The following KCNC2 variants were observed in gnomAD, a reference collection of about 807,000 sequenced individuals.
KCNC2 encodes the protein voltage-gated potassium channel KCNC2.
KCNC2 carries 21 observed loss-of-function variants against 44.5 expected under a neutral mutation model. The ratio of observed to expected loss-of-function variants is 0.47; its 90% CI spans 0.33 to 0.68. The LOEUF is 0.68. Ranked by LOEUF, KCNC2 falls within the 30% of genes least tolerant of loss-of-function variation. The pLI, the probability that KCNC2 is intolerant of heterozygous loss-of-function variation, is 0.01. For synonymous variants in KCNC2, 391 were observed against 339.1 expected (o/e 1.15, Z -1.68); for missense variants, 589 against 826.2 (o/e 0.71, Z 3.52).
chr12:75,041,423 C>T lies in KCNC2; in HGVS notation c.*1682G>A, dbSNP rs968176455. 20 of 1,279,198 alleles carry T rather than the reference C, an allele frequency of 1.6e-5. No individual in the cohort carries two copies. Among genetic ancestry groups the T allele is most frequent in the South Asian group, 2.3e-5 (1 of 44,006 alleles). 79.2% of individuals were successfully genotyped at this position (1,279,198 alleles called of 1,614,324 possible). A position where few individuals can be genotyped will look rare whatever the true frequency, so the allele number is the denominator to read the frequency against. On this transcript the variant is annotated 3_prime_UTR_variant, in exon 5 of 5. Coordinates refer to ENST00000549446, the MANE Select transcript of KCNC2 (RefSeq NM_139137.4). ...TATAGAGTAATACATGTTTCGTGGC[C>T]AATAATAAAAGTGACAATTGTCTTC...
At position 75,041,175 on chromosome 12, in the gene KCNC2, A is replaced by G. The variant is rs768008114; in HGVS notation, c.*1930T>C. On this transcript the variant is annotated 3_prime_UTR_variant, in exon 5 of 5. Transcript: ENST00000549446. ...TAAATTCCACTGTCCCTTTCTCAGCAGTCAATAATCCATGATAAATTCTGT... is the reference window on the plus strand; with the variant it reads ...TAAATTCCACTGTCCCTTTCTCAGCGGTCAATAATCCATGATAAATTCTGT... 1 of 1,596,516 alleles carries G rather than the reference A, an allele frequency of 6.3e-7. No homozygotes were observed.
intron 2 of KCNC2, among the ~76,000 whole-genome samples, chr12:75,096,955 G>A (rs1487069149): frequency 6.6e-5 from 10 of 152,048 alleles, no homozygotes. Context: ...TCATATGAAT[G>A]TTTATGAAAC....
At chr12:75,062,222 G>T (rs1167852227) in intron 2 of KCNC2, among the ~76,000 whole-genome samples, 2 of 152,134 alleles carry the variant, frequency 1.3e-5, no homozygotes, top group South Asian at 4.1e-4. Context: ...TTCTCTGAAT[G>T]GGCCTTTGTT....
At chr12:75,110,789 G>T (rs918952989) in intron 2 of KCNC2, among the ~76,000 whole-genome samples, 3 of 151,858 alleles carry the variant, frequency 2.0e-5, no homozygotes, top group Non-Finnish European at 4.4e-5. Context: ...AAGTTATAAA[G>T]TTGTAAAGCA....
rs1446992549 is a variant in KCNC2, at chr12:75,113,760, A to G, written c.688-62443T>C. Among the ~76,000 whole-genome samples the G allele has an allele frequency of 4.6e-5, 7 of 152,154 alleles. No homozygotes were observed. In the East Asian group the frequency reaches 5.8e-4, roughly 13 times the overall value. On this transcript the variant is annotated intron_variant, in intron 2 of 4. Transcript: ENST00000549446. ...AACAGGGGAGTAGAACCTCTTATCT[A>G]TTTTGTATCTTGATTCTGAAGTGCA...
intron 3 of KCNC2, 70 bp from the exon 4 acceptor site, chr12:75,048,387 A>G: frequency 2.3e-6 from 3 of 1,326,412 alleles, no homozygotes; most frequent in Non-Finnish European, 3.1e-6. Flanking sequence ...AAGAGTTTAC[A>G]CAGAATGCCG....
intron 2 of KCNC2, among the ~76,000 whole-genome samples, chr12:75,067,200 C>CAAAACAAA (rs1882917969): frequency 6.6e-6 from 1 of 151,116 alleles, no homozygotes; most frequent in African/African-American, 2.4e-5. Context: ...AACCCTGTCT[C>CAAAACAAA]AAAACAAAAA....
At chr12:75,169,683 C>T (rs550754396) in intron 2 of KCNC2, among the ~76,000 whole-genome samples, 1 of 151,592 alleles carries the variant, frequency 6.6e-6, no homozygotes, top group South Asian at 2.1e-4. Flanking sequence ...TTGTTGTTTT[C>T]TTTCTTTTCT....
At chr12:75,120,979 G>A (rs1175127524) in intron 2 of KCNC2, among the ~76,000 whole-genome samples, 2 of 152,062 alleles carry the variant, frequency 1.3e-5, no homozygotes, top group South Asian at 2.1e-4. Context: ...AACCAATATA[G>A]GGCAACTTTC....
At chr12:75,088,176 G>A (rs1226640949) in intron 2 of KCNC2, among the ~76,000 whole-genome samples, 1 of 152,016 alleles carries the variant, frequency 6.6e-6, no homozygotes, top group Non-Finnish European at 1.5e-5. Flanking sequence ...ATGAGGCAAT[G>A]CACAGAAGTA....
chr12:75,202,117 G>A (rs941233589), intron 2 of KCNC2, among the ~76,000 whole-genome samples: 1 of 151,886 alleles, frequency 6.6e-6, no homozygotes, highest in Non-Finnish European at 1.5e-5. Context: ...CTTTGAAAAT[G>A]AGTTTACTGA....
chr12:75,065,632 C>A (rs1882756320), intron 2 of KCNC2, among the ~76,000 whole-genome samples: 1 of 151,990 alleles, frequency 6.6e-6, no homozygotes, highest in African/African-American at 2.4e-5. Context: ...AATACAATAA[C>A]ATGTTGTACA....
chr12:75,071,797 T>C (rs1841086), intron 2 of KCNC2, among the ~76,000 whole-genome samples: 134,723 of 151,904 alleles, frequency 0.89, 59,792 homozygotes, highest in Admixed American at 0.91. Flanking sequence ...ATTAGCCAGG[T>C]TTGGTGGCAC....
intron 2 of KCNC2, among the ~76,000 whole-genome samples, chr12:75,206,788 A>C (rs55728930): frequency 0.084 from 12,845 of 152,202 alleles, 591 homozygotes; most frequent in Admixed American, 0.14. Context: ...ACCTCCCCAG[A>C]CACATAGATA....
intron 2 of KCNC2, among the ~76,000 whole-genome samples, chr12:75,086,403 A>T (rs948270040): frequency 6.6e-6 from 1 of 152,014 alleles, no homozygotes; most frequent in Non-Finnish European, 1.5e-5. Context: ...TTATCAGACA[A>T]ATTTAACTAA....
intron 2 of KCNC2, among the ~76,000 whole-genome samples, chr12:75,201,764 A>C (rs1354948927): frequency 2.6e-5 from 4 of 151,896 alleles, no homozygotes; most frequent in African/African-American, 9.7e-5. Context: ...TTTCTGTCTT[A>C]AAAGAATATT....
At chr12:75,158,981 A>G (rs546957807) in intron 2 of KCNC2, among the ~76,000 whole-genome samples, 1 of 151,950 alleles carries the variant, frequency 6.6e-6, no homozygotes, top group Admixed American at 6.6e-5. Context: ...TGGTAGGGGT[A>G]GAAGGAGTAG....
In KCNC2 at chr12:75,097,021, T is replaced by C. The variant is rs550065398; in HGVS notation, c.688-45704A>G. Among the ~76,000 whole-genome samples the C allele has an allele frequency of 1.5e-4, 23 of 152,144 alleles. 1 individual carries two copies. In the South Asian group the frequency reaches 2.5e-3, roughly 16 times the overall value. On this transcript the variant is annotated intron_variant, in intron 2 of 4. Transcript: ENST00000549446. ...CACAAGATGACTTTCAATCAGTGAATAGGAAACAAAGTGTGGTACTCTGAC... is the reference window on the plus strand; with the variant it reads ...CACAAGATGACTTTCAATCAGTGAACAGGAAACAAAGTGTGGTACTCTGAC...
chr12:75,186,048 AAAATAAATAAATAAAT>A (rs371301482), intron 2 of KCNC2, among the ~76,000 whole-genome samples: 86 of 143,020 alleles, frequency 6.0e-4, no homozygotes, highest in East Asian at 3.5e-3. Flanking sequence ...CTCTGTCTCA[AAAATAAATAAATAAAT>A]AAATAAATAA....
Sources: gnomAD v4.1 joint callset for allele counts (sites outside exome capture counted in the v4.1 genomes callset) on GRCh38, gnomAD v4.1.1 for gene constraint, MANE v1.5 for transcripts, NCBI Gene and HGNC (gene_info 2026-07-23, HGNC 2026-07-21) for gene names.